Variants in CSTPP1 observed in about 807,000 individuals in gnomAD.
The protein encoded by CSTPP1 is centriolar satellite-associated tubulin polyglutamylase complex regulator 1.
chr11:47,020,696 T>A, the CSTPP1 span, among the ~76,000 whole-genome samples: 1 of 152,240 alleles, frequency 6.6e-6, no homozygotes, highest in Admixed American at 6.5e-5. Context: ...TTGAATCAGT[T>A]CTAAATCATT....
chr11:47,013,100 TTATTA>T, the CSTPP1 span, among the ~76,000 whole-genome samples: 1 of 147,528 alleles, frequency 6.8e-6, no homozygotes, highest in East Asian at 2.0e-4. Context: ...TAATCATATA[TTATTA>T]TATAAATAAC....
At chr11:47,137,687 TG>T in the CSTPP1 span, 1 of 1,614,184 alleles carries the variant, frequency 6.2e-7, no homozygotes, top group South Asian at 1.1e-5. Context: ...CTGCAATTAC[TG>T]TGTCCTGATT....
chr11:47,153,595 G>A, the CSTPP1 span, among the ~76,000 whole-genome samples: 1 of 152,172 alleles, frequency 6.6e-6, no homozygotes, highest in Non-Finnish European at 1.5e-5. Flanking sequence ...CTCTTCACGT[G>A]TAGAATGGAA....
At chr11:47,144,276 C>T in the CSTPP1 span, among the ~76,000 whole-genome samples, 1 of 152,148 alleles carries the variant, frequency 6.6e-6, no homozygotes, top group African/African-American at 2.4e-5. Context: ...GCAACCTCCG[C>T]CTCCTGGGTT....
At chr11:47,160,892 G>A in the CSTPP1 span, 10 of 562,600 alleles carry the variant, frequency 1.8e-5, no homozygotes, top group South Asian at 1.6e-4. Flanking sequence ...CCTTGGCTGT[G>A]GTGTCTGCCC....
chr11:47,044,292 AT>A, the CSTPP1 span, among the ~76,000 whole-genome samples: 1 of 151,958 alleles, frequency 6.6e-6, no homozygotes, highest in Non-Finnish European at 1.5e-5. Flanking sequence ...TGGACAGTTT[AT>A]TTTTATTTAT....
chr11:47,124,053 A>G, the CSTPP1 span, among the ~76,000 whole-genome samples: 1 of 149,908 alleles, frequency 6.7e-6, no homozygotes, highest in Non-Finnish European at 1.5e-5. Flanking sequence ...CCCAAAAGCA[A>G]CCGTCACAAT....
the CSTPP1 span, among the ~76,000 whole-genome samples, chr11:47,007,197 T>TA: frequency 6.6e-6 from 1 of 151,674 alleles, no homozygotes; most frequent in Non-Finnish European, 1.5e-5. Flanking sequence ...CGTGGCTGGC[T>TA]AATTTGTGTT....
chr11:47,139,095 C>A, the CSTPP1 span, among the ~76,000 whole-genome samples: 1 of 148,068 alleles, frequency 6.8e-6, no homozygotes, highest in Non-Finnish European at 1.5e-5. Flanking sequence ...ATACTGAATG[C>A]ATTTACCTTC....
chr11:47,089,339 G>C, the CSTPP1 span, among the ~76,000 whole-genome samples: 1 of 151,944 alleles, frequency 6.6e-6, no homozygotes, highest in African/African-American at 2.4e-5. Context: ...ATTTATATAT[G>C]GGTCCATAAT....
the CSTPP1 span, among the ~76,000 whole-genome samples, chr11:47,131,649 G>A: frequency 2.0e-5 from 3 of 152,184 alleles, no homozygotes; most frequent in African/African-American, 7.2e-5. Context: ...TTTCTGTGAA[G>A]TGAACCCTAG....
At chr11:47,080,021 C>T in the CSTPP1 span, among the ~76,000 whole-genome samples, 22 of 151,874 alleles carry the variant, frequency 1.4e-4, no homozygotes, top group African/African-American at 4.8e-4. Context: ...CACGTGAACC[C>T]GGAGGCAAAG....
the CSTPP1 span, chr11:46,987,084 T>G: frequency 1.2e-6 from 1 of 835,950 alleles, no homozygotes; most frequent in Non-Finnish European, 2.0e-6. Context: ...AGTCCACTGA[T>G]GAAGTGTCAT....
the CSTPP1 span, among the ~76,000 whole-genome samples, chr11:47,050,557 A>G: frequency 6.6e-6 from 1 of 152,226 alleles, no homozygotes; most frequent in African/African-American, 2.4e-5. Context: ...GATGGTCTTT[A>G]AAAGCTATAC....
the CSTPP1 span, among the ~76,000 whole-genome samples, chr11:46,956,980 T>C: frequency 6.6e-6 from 1 of 151,652 alleles, no homozygotes; most frequent in Non-Finnish European, 1.5e-5. Flanking sequence ...TATAGTATAC[T>C]ATGATTACAT....
At chr11:47,147,383 T>A in the CSTPP1 span, among the ~76,000 whole-genome samples, 1 of 152,190 alleles carries the variant, frequency 6.6e-6, no homozygotes, top group Non-Finnish European at 1.5e-5. Context: ...GTCTGGAATT[T>A]GAGGCATTTG....
At chr11:46,994,723 T>G in the CSTPP1 span, among the ~76,000 whole-genome samples, 1 of 152,232 alleles carries the variant, frequency 6.6e-6, no homozygotes, top group East Asian at 1.9e-4. Context: ...TCAGGGATAT[T>G]GGTCTAAAAT....
At chr11:47,144,337 C>T in the CSTPP1 span, among the ~76,000 whole-genome samples, 2 of 152,010 alleles carry the variant, frequency 1.3e-5, no homozygotes, top group African/African-American at 4.8e-5. Flanking sequence ...TATAGATGCC[C>T]GCCACCACGC....
chr11:46,967,334 A>G, the CSTPP1 span, among the ~76,000 whole-genome samples: 1 of 152,182 alleles, frequency 6.6e-6, no homozygotes, highest in Non-Finnish European at 1.5e-5. Flanking sequence ...ATTTTCTCCA[A>G]TGAATTGCCT....
Sources: gnomAD v4.1 joint callset for allele counts (sites outside exome capture counted in the v4.1 genomes callset) on GRCh38, gnomAD v4.1.1 for gene constraint, MANE v1.5 for transcripts, NCBI Gene and HGNC (gene_info 2026-07-23, HGNC 2026-07-21) for gene names.